TFEC: variants seen among roughly 807,000 people sequenced by gnomAD.
TFEC encodes class E basic helix-loop-helix protein 34.
TFEC carries 31 observed loss-of-function variants against 41.6 expected under a neutral mutation model. The ratio of observed to expected loss-of-function variants is 0.74; its 90% CI spans 0.56 to 1.01. The LOEUF is 1.01. TFEC is among the 50% of genes least tolerant of loss of function. The pLI is 0.00. For synonymous variants in TFEC, 143 were observed against 140.6 expected (o/e 1.02, Z -0.12); for missense variants, 402 against 404.1 (o/e 0.99, Z 0.04).
chr7:116,004,994 C>T (rs1315134434), intron 1 of TFEC, among the ~76,000 whole-genome samples: 1 of 152,114 alleles, frequency 6.6e-6, no homozygotes, highest in African/African-American at 2.4e-5. Context: ...GGGGGAGTTT[C>T]CCTGCACAAG....
At chr7:116,146,401 A>G (rs1798641282) in intron 1 of TFEC, among the ~76,000 whole-genome samples, 1 of 152,232 alleles carries the variant, frequency 6.6e-6, no homozygotes, top group South Asian at 2.1e-4. Flanking sequence ...TTTAGTGTCT[A>G]TGGAGATACC....
At chr7:116,107,396 G>A (rs920172943) in intron 3 of TFEC, among the ~76,000 whole-genome samples, 52 of 152,288 alleles carry the variant, frequency 3.4e-4, no homozygotes, top group African/African-American at 1.1e-3. Context: ...GCCAGCAAAT[G>A]TTCCCTAGAA....
chr7:116,024,045 A>G (rs1050363900), intron 1 of TFEC, among the ~76,000 whole-genome samples: 17 of 152,114 alleles, frequency 1.1e-4, no homozygotes, highest in African/African-American at 4.1e-4. Context: ...AATCTACTTG[A>G]TATTTGTCAC....
intron 3 of TFEC, among the ~76,000 whole-genome samples, chr7:116,064,329 C>T (rs960849704): frequency 6.0e-5 from 9 of 150,566 alleles, no homozygotes; most frequent in African/African-American, 2.2e-4. Flanking sequence ...ATATATACAC[C>T]ATGTTGTACA....
At chr7:116,091,173 C>T (rs1390869345) in intron 3 of TFEC, among the ~76,000 whole-genome samples, 2 of 152,144 alleles carry the variant, frequency 1.3e-5, no homozygotes, top group Non-Finnish European at 2.9e-5. Context: ...AGAGAATACA[C>T]AAGAAATACT....
intron 1 of TFEC, among the ~76,000 whole-genome samples, chr7:115,994,783 G>A (rs962771842): frequency 5.9e-5 from 9 of 152,190 alleles, no homozygotes. Context: ...GTGGAAGACA[G>A]GGTGGTGATT....
At chr7:116,134,358 G>T (rs564454681) in intron 1 of TFEC, among the ~76,000 whole-genome samples, 1 of 151,908 alleles carries the variant, frequency 6.6e-6, no homozygotes, top group South Asian at 2.1e-4. Context: ...AAAGAAAGAG[G>T]GAAGGAAAAA....
At chr7:115,977,664 C>T (rs1379117501) in intron 2 of TFEC, among the ~76,000 whole-genome samples, 2 of 151,618 alleles carry the variant, frequency 1.3e-5, no homozygotes, top group African/African-American at 2.4e-5. Context: ...GAGTAAAGAA[C>T]AGTAAAATGT....
At chr7:115,943,421 A>T (rs1335138624) in intron 6 of TFEC, among the ~76,000 whole-genome samples, 6 of 151,990 alleles carry the variant, frequency 3.9e-5, no homozygotes, top group Non-Finnish European at 7.4e-5. Context: ...ACAGAGAAAC[A>T]GATTTAAAAA....
intron 2 of TFEC, among the ~76,000 whole-genome samples, chr7:115,983,666 A>G (rs1027257094): frequency 1.3e-5 from 2 of 152,188 alleles, no homozygotes; most frequent in Non-Finnish European, 2.9e-5. Context: ...AGCAAGTCAC[A>G]ATAAATATAA....
chr7:115,937,798 G>C lies in TFEC; in HGVS notation c.*2753C>G, dbSNP rs1793303161. 1 of 151,586 alleles carries C rather than the reference G, an allele frequency of 6.6e-6. No homozygotes were observed. The highest frequency in any genetic ancestry group is 2.4e-5 in the African/African-American group (1 of 41,340). 9.4% of individuals were successfully genotyped at this position (151,586 alleles called of 1,614,324 possible). A position where few individuals can be genotyped will look rare whatever the true frequency, so the allele number is the denominator to read the frequency against. On this transcript the variant is annotated 3_prime_UTR_variant, in exon 8 of 8. Coordinates refer to ENST00000265440, the MANE Select transcript of TFEC (RefSeq NM_012252.4). ...GACCTGATTCAGGAATTTTTCACTT[G>C]GGATCCAAGAAAACATTCAGGAGAT...
intron 3 of TFEC, among the ~76,000 whole-genome samples, chr7:116,049,472 T>C (rs928587825): frequency 6.6e-6 from 1 of 152,126 alleles, no homozygotes; most frequent in Non-Finnish European, 1.5e-5. Flanking sequence ...GCACCCAGAT[T>C]CATAAAGCAA....
intron 1 of TFEC, among the ~76,000 whole-genome samples, chr7:116,155,836 T>C (rs1392789378): frequency 6.6e-6 from 1 of 152,214 alleles, no homozygotes; most frequent in African/African-American, 2.4e-5. Flanking sequence ...TAAAATGCCC[T>C]GCTTTTCCCC....
chr7:115,960,803 T>A (rs1206366459), intron 3 of TFEC, among the ~76,000 whole-genome samples: 2 of 151,478 alleles, frequency 1.3e-5, no homozygotes, highest in East Asian at 3.9e-4. Flanking sequence ...AAAGGACACA[T>A]AAAGATTAAA....
In TFEC at chr7:116,030,761, A is replaced by C. The variant is rs1347610097; in HGVS notation, c.-201T>G. The C allele has an allele frequency of 3.0e-6, 3 of 985,398 alleles. No individual in the cohort carries two copies. Among genetic ancestry groups the C allele is most frequent in the Non-Finnish European group, 3.6e-6 (3 of 829,926 alleles). 61.0% of individuals were successfully genotyped at this position (985,398 alleles called of 1,614,324 possible). A position where few individuals can be genotyped will look rare whatever the true frequency, so the allele number is the denominator to read the frequency against. ...GTAAACGATCTAGCCGTGAGTAATG[A>C]ATACTTTGGGCTGGTTGGAATCCAG... On this transcript the variant is annotated 5_prime_UTR_variant, in exon 1 of 8. The change creates a new upstream start codon in the 5' untranslated region. Transcript: ENST00000265440.
At chr7:116,089,129 C>G (rs1292973504) in intron 3 of TFEC, among the ~76,000 whole-genome samples, 2 of 152,126 alleles carry the variant, frequency 1.3e-5, no homozygotes, top group African/African-American at 4.8e-5. Flanking sequence ...GAAGTAATCT[C>G]AATCCTCTGA....
Position 115,956,752 on chromosome 7 carries a change from T to A in TFEC, c.309A>T (p.Gly103=). 1 of 1,610,546 alleles carries A rather than the reference T, an allele frequency of 6.2e-7. No individual in the cohort carries two copies. The highest frequency in any genetic ancestry group is 8.5e-7 in the Non-Finnish European group (1 of 1,177,990). Residue 103 remains glycine, a synonymous_variant, in exon 4 of 8, where the codon GGA becomes GGT. Coordinates refer to ENST00000265440, the MANE Select transcript of TFEC (RefSeq NM_012252.4). Reference sequence around the variant, plus strand: ...TAAGCCCCATGTTAATTGGTGAAATTCCTTGTTCACCGCTATACACATCCA... The same window carrying A: ...TAAGCCCCATGTTAATTGGTGAAATACCTTGTTCACCGCTATACACATCCA... The part of the protein sequence containing the change: ...SILDVYSGEQ[G]ISPINMGLTS...
At chr7:116,156,392 T>A (rs1049219510) in intron 1 of TFEC, among the ~76,000 whole-genome samples, 5 of 152,222 alleles carry the variant, frequency 3.3e-5, no homozygotes, top group Admixed American at 6.5e-5. Context: ...TCTATTTTTT[T>A]AAAATAACCT....
chr7:115,946,563 A>G lies in TFEC; in HGVS notation c.515+4311T>C, dbSNP rs1033552734. On this transcript the variant is annotated intron_variant, in intron 6 of 7. Coordinates refer to ENST00000265440, the MANE Select transcript of TFEC (RefSeq NM_012252.4). ...CCTGAGTAGCTTGGAGTACAGGTGCATGCTACCATATCAAGCTTGCTCTTT... is the reference window on the plus strand; with the variant it reads ...CCTGAGTAGCTTGGAGTACAGGTGCGTGCTACCATATCAAGCTTGCTCTTT... Among the ~76,000 whole-genome samples, 3 of 150,980 alleles carry G rather than the reference A, an allele frequency of 2.0e-5. No individual in the cohort carries two copies. The East Asian group carries it at 5.9e-4, about 30-fold the overall frequency.
Sources: gnomAD v4.1 joint callset for allele counts (sites outside exome capture counted in the v4.1 genomes callset) on GRCh38, gnomAD v4.1.1 for gene constraint, MANE v1.5 for transcripts, NCBI Gene and HGNC (gene_info 2026-07-23, HGNC 2026-07-21) for gene names.